The following CNTN6 variants were observed in gnomAD, a reference collection of about 807,000 sequenced individuals.
CNTN6 encodes contactin-6.
A neutral mutation model predicts 122.8 loss-of-function variants in CNTN6; 137 were observed. The observed-to-expected ratio is 1.12, with a 90% CI of 0.97 to 1.29. The LOEUF is 1.29. Among genes scored for constraint, CNTN6 ranks in the 50% most tolerant of loss-of-function variants. CNTN6 has a pLI of 0.00. For synonymous variants in CNTN6, 570 were observed against 426.0 expected (o/e 1.34, Z -4.16); for missense variants, 1,634 against 1,223.4 (o/e 1.34, Z -5.01).
intron 2 of CNTN6, among the ~76,000 whole-genome samples, chr3:1,186,116 A>G (rs2093624825): frequency 1.3e-5 from 2 of 152,282 alleles, no homozygotes; most frequent in Admixed American, 6.5e-5. Flanking sequence ...ATGGAAGAAA[A>G]CGAAAGACAG....
intron 4 of CNTN6, among the ~76,000 whole-genome samples, chr3:1,257,939 TCTAAA>T (rs1317154710): frequency 6.6e-6 from 1 of 152,154 alleles, no homozygotes; most frequent in Non-Finnish European, 1.5e-5. Context: ...AAATGCAGCA[TCTAAA>T]CTAGAGAAAG....
chr3:1,113,883 A>G (rs1159127488), intron 1 of CNTN6, among the ~76,000 whole-genome samples: 2 of 152,146 alleles, frequency 1.3e-5, no homozygotes, highest in Non-Finnish European at 2.9e-5. Flanking sequence ...GTAGAGGAGA[A>G]TCATCTTTCT....
chr3:1,166,677 T>C (rs569474644), intron 2 of CNTN6, among the ~76,000 whole-genome samples: 8 of 152,202 alleles, frequency 5.3e-5, no homozygotes, highest in East Asian at 1.9e-4. Context: ...CTGTGGCACA[T>C]ATACACCACA....
intron 11 of CNTN6, among the ~76,000 whole-genome samples, chr3:1,344,133 A>G (rs1317306492): frequency 1.3e-5 from 2 of 151,746 alleles, no homozygotes; most frequent in African/African-American, 2.4e-5. Flanking sequence ...CATATCGTGA[A>G]CTCTAGTGAC....
At chr3:1,173,139 C>A (rs1484914847) in intron 2 of CNTN6, 1 of 429,590 alleles carries the variant, frequency 2.3e-6, no homozygotes, top group African/African-American at 2.0e-5. Flanking sequence ...CCATCTGTGA[C>A]ATCTCTCCAG....
chr3:1,357,133 C>T (rs1003118695), intron 12 of CNTN6, among the ~76,000 whole-genome samples: 1 of 151,704 alleles, frequency 6.6e-6, no homozygotes, highest in Non-Finnish European at 1.5e-5. Context: ...GATGTTAATA[C>T]AGCATAGGTT....
chr3:1,121,852 G>A (rs893122985), intron 1 of CNTN6, among the ~76,000 whole-genome samples: 1 of 151,882 alleles, frequency 6.6e-6, no homozygotes, highest in African/African-American at 2.4e-5. Flanking sequence ...GAAAACACAT[G>A]TGTATTGCCT....
intron 4 of CNTN6, among the ~76,000 whole-genome samples, chr3:1,243,190 T>C (rs566233002): frequency 2.0e-5 from 3 of 152,276 alleles, no homozygotes; most frequent in South Asian, 4.2e-4. Context: ...AGTGGGTTCC[T>C]GCACAGATGG....
At chr3:1,401,222 T>C (rs967826970) in intron 20 of CNTN6, 1 of 477,168 alleles carries the variant, frequency 2.1e-6, no homozygotes, top group Non-Finnish European at 3.7e-6. Context: ...TATTAATTCA[T>C]AAGTCTGTCA....
intron 2 of CNTN6, among the ~76,000 whole-genome samples, chr3:1,189,766 C>G (rs2093675191): frequency 6.6e-6 from 1 of 152,140 alleles, no homozygotes; most frequent in South Asian, 2.1e-4. Flanking sequence ...ATAGTAATGT[C>G]TGCCAAACCC....
intron 4 of CNTN6, 130 bp from the exon 5 acceptor site, chr3:1,278,283 A>C (rs189442605): frequency 8.3e-6 from 5 of 603,960 alleles, no homozygotes; most frequent in African/African-American, 5.5e-5. Flanking sequence ...TTGATTGTCA[A>C]CTAAGTCTTC....
chr3:1,177,993 C>T (rs1006714960), intron 2 of CNTN6, among the ~76,000 whole-genome samples: 1 of 151,612 alleles, frequency 6.6e-6, no homozygotes, highest in Middle Eastern at 3.4e-3. Context: ...CTCTGCCTCC[C>T]GGATTCAAGC....
chr3:1,209,044 G>A (rs1026680741), intron 2 of CNTN6, among the ~76,000 whole-genome samples: 1 of 152,120 alleles, frequency 6.6e-6, no homozygotes, highest in Non-Finnish European at 1.5e-5. Context: ...TTAACCTAAA[G>A]AGATCAACAG....
intron 1 of CNTN6, among the ~76,000 whole-genome samples, chr3:1,131,314 G>A (rs79012518): frequency 0.012 from 1,815 of 152,120 alleles, 37 homozygotes; most frequent in African/African-American, 0.041. Context: ...GGAATGCAGG[G>A]TACACAAAGG....
intron 4 of CNTN6, among the ~76,000 whole-genome samples, chr3:1,245,942 A>C (rs979041844): frequency 6.6e-6 from 1 of 152,104 alleles, no homozygotes; most frequent in Non-Finnish European, 1.5e-5. Context: ...AAAATCTCAT[A>C]ACGTTTTAAG....
intron 14 of CNTN6, 87 bp downstream of exon 14, chr3:1,373,042 A>G: frequency 5.3e-6 from 4 of 755,902 alleles, no homozygotes; most frequent in South Asian, 1.9e-5. Flanking sequence ...GAGAAACCAC[A>G]CCATGTTATG....
chr3:1,376,596 A>C (rs2126154644), intron 16 of CNTN6, among the ~76,000 whole-genome samples: 1 of 152,124 alleles, frequency 6.6e-6, no homozygotes, highest in South Asian at 2.1e-4. Flanking sequence ...AATAAAAGGA[A>C]AAATTAGTTT....
At chr3:1,159,530 A>G (rs1290841818) in intron 2 of CNTN6, among the ~76,000 whole-genome samples, 1 of 152,148 alleles carries the variant, frequency 6.6e-6, no homozygotes, top group Non-Finnish European at 1.5e-5. Context: ...AACTGAAACC[A>G]CAGAAAGTAA....
intron 4 of CNTN6, among the ~76,000 whole-genome samples, chr3:1,253,120 A>G (rs772773301): frequency 1.6e-4 from 24 of 152,152 alleles, no homozygotes; most frequent in Admixed American, 2.0e-4. Context: ...GCCCCTTCAG[A>G]ATACCTAATT....
Sources: allele counts gnomAD v4.1 joint callset (sites outside exome capture counted in the v4.1 genomes callset), GRCh38; gene constraint gnomAD v4.1.1; transcripts MANE v1.5; gene names NCBI Gene and HGNC (gene_info 2026-07-23, HGNC 2026-07-21).